CSMD1: variants seen among roughly 807,000 people sequenced by gnomAD.
CSMD1 encodes CUB and Sushi multiple domains 1.
In CSMD1, 213 loss-of-function variants were observed where a neutral mutation model predicts 417.5. The observed-to-expected ratio is 0.51, with a 90% CI of 0.46 to 0.57. The LOEUF is 0.57. Ranked by LOEUF, CSMD1 falls within the 20% of genes least tolerant of loss-of-function variation. CSMD1 has a pLI of 0.00. For synonymous variants in CSMD1, 2,862 were observed against 1,736.8 expected (o/e 1.65, Z -16.11); for missense variants, 6,923 against 4,529.7 (o/e 1.53, Z -15.17).
At chr8:3,677,485 C>A (rs1171440336) in intron 7 of CSMD1, among the ~76,000 whole-genome samples, 1 of 152,172 alleles carries the variant, frequency 6.6e-6, no homozygotes, top group Non-Finnish European at 1.5e-5. Flanking sequence ...CTGAGCACCA[C>A]AGAAGACATC....
intron 1 of CSMD1, among the ~76,000 whole-genome samples, chr8:4,728,200 T>G (rs977760767): frequency 6.7e-6 from 1 of 148,194 alleles, no homozygotes; most frequent in African/African-American, 2.5e-5. Flanking sequence ...TTCGTATATT[T>G]ATATATATAT....
At chr8:3,510,351 G>A (rs1171057641) in intron 10 of CSMD1, among the ~76,000 whole-genome samples, 1 of 151,776 alleles carries the variant, frequency 6.6e-6, no homozygotes, top group Non-Finnish European at 1.5e-5. Context: ...GAGCTTGGGG[G>A]AGGACAGTAG....
At chr8:3,423,087 T>A (rs1419320329) in intron 12 of CSMD1, among the ~76,000 whole-genome samples, 1 of 152,210 alleles carries the variant, frequency 6.6e-6, no homozygotes, top group Non-Finnish European at 1.5e-5. Flanking sequence ...ATTAAACAGA[T>A]TAAATTATTT....
intron 49 of CSMD1, among the ~76,000 whole-genome samples, chr8:3,069,797 C>G (rs2128997760): frequency 6.6e-6 from 1 of 152,316 alleles, no homozygotes; most frequent in Non-Finnish European, 1.5e-5. Context: ...GGTTTCAACC[C>G]CACATTTCCC....
At chr8:3,097,945 C>T (rs138611791) in intron 46 of CSMD1, among the ~76,000 whole-genome samples, 10 of 152,272 alleles carry the variant, frequency 6.6e-5, no homozygotes, top group Admixed American at 4.6e-4. Context: ...ATGGATACAT[C>T]GTATCTTTTC....
intron 3 of CSMD1, among the ~76,000 whole-genome samples, chr8:4,172,681 C>G (rs978473316): frequency 6.6e-6 from 1 of 152,180 alleles, no homozygotes; most frequent in African/African-American, 2.4e-5. Context: ...AGGTGTTTCA[C>G]ACATATTCAT....
intron 2 of CSMD1, among the ~76,000 whole-genome samples, chr8:4,546,542 C>T (rs1269652977): frequency 6.6e-6 from 1 of 152,146 alleles, no homozygotes; most frequent in Non-Finnish European, 1.5e-5. Flanking sequence ...CCTCCATCTT[C>T]TCCTACCCTA....
At chr8:3,158,887 G>A (rs1819706472) in intron 38 of CSMD1, among the ~76,000 whole-genome samples, 1 of 152,080 alleles carries the variant, frequency 6.6e-6, no homozygotes, top group South Asian at 2.1e-4. Context: ...CAGCCACACT[G>A]GGAACGCATC....
chr8:4,108,544 T>C (rs1801688429), intron 3 of CSMD1, among the ~76,000 whole-genome samples: 1 of 152,186 alleles, frequency 6.6e-6, no homozygotes, highest in Non-Finnish European at 1.5e-5. Flanking sequence ...CCCAACTGTT[T>C]TCCCAGAAAT....
intron 3 of CSMD1, among the ~76,000 whole-genome samples, chr8:4,041,282 A>G (rs60906978): frequency 0.27 from 41,417 of 151,936 alleles, 5,809 homozygotes; most frequent in Admixed American, 0.3. Flanking sequence ...CTCCCAAAGT[A>G]CGGGGATTAC....
chr8:3,683,234 T>TAA (rs1008260826), intron 7 of CSMD1, among the ~76,000 whole-genome samples: 1 of 151,260 alleles, frequency 6.6e-6, no homozygotes, highest in East Asian at 1.9e-4. Context: ...AATAAAATAA[T>TAA]AAAAAATAAA....
intron 5 of CSMD1, among the ~76,000 whole-genome samples, chr8:3,860,664 A>G (rs981618841): frequency 2.0e-5 from 3 of 152,172 alleles, no homozygotes; most frequent in Non-Finnish European, 4.4e-5. Context: ...GTTAATTATT[A>G]TTTTTCTTAT....
intron 13 of CSMD1, 30 bp from the exon 14 acceptor site, chr8:3,408,255 G>C (rs776583214): frequency 1.1e-5 from 16 of 1,509,544 alleles, no homozygotes; most frequent in African/African-American, 4.1e-5. Context: ...TTTTCAAACA[G>C]TTATGCACAT....
intron 1 of CSMD1, among the ~76,000 whole-genome samples, chr8:4,792,591 ACTGTT>A (rs1264337481): frequency 6.6e-6 from 1 of 152,122 alleles, no homozygotes; most frequent in Admixed American, 6.6e-5. Context: ...CATGCAAGAA[ACTGTT>A]GAATAGAGTC....
At chr8:4,123,518 T>C (rs1802600117) in intron 3 of CSMD1, among the ~76,000 whole-genome samples, 1 of 152,250 alleles carries the variant, frequency 6.6e-6, no homozygotes, top group Non-Finnish European at 1.5e-5. Flanking sequence ...CTGTGTTTTC[T>C]TTGATGATTA....
intron 3 of CSMD1, among the ~76,000 whole-genome samples, chr8:4,091,260 A>G (rs549920765): frequency 6.6e-6 from 1 of 152,280 alleles, no homozygotes; most frequent in East Asian, 1.9e-4. Context: ...GCAAATTAGA[A>G]AAAAATAATA....
intron 11 of CSMD1, among the ~76,000 whole-genome samples, chr8:3,487,277 C>G (rs1818099979): frequency 2.0e-5 from 3 of 152,164 alleles, no homozygotes; most frequent in Admixed American, 6.5e-5. Context: ...TCTTGGCTCT[C>G]TGCAAGCTCC....
At chr8:4,382,827 T>C (rs553971241) in intron 3 of CSMD1, among the ~76,000 whole-genome samples, 4 of 152,282 alleles carry the variant, frequency 2.6e-5, no homozygotes, top group African/African-American at 9.6e-5. Flanking sequence ...TATCATTACA[T>C]TGTGACAACG....
intron 1 of CSMD1, among the ~76,000 whole-genome samples, chr8:4,759,519 A>T (rs1346652566): frequency 6.6e-6 from 1 of 152,164 alleles, no homozygotes; most frequent in Non-Finnish European, 1.5e-5. Context: ...CTAGGTATTA[A>T]GCCCAGCATG....
Sources: gnomAD v4.1 joint callset for allele counts (sites outside exome capture counted in the v4.1 genomes callset) on GRCh38, gnomAD v4.1.1 for gene constraint, MANE v1.5 for transcripts, NCBI Gene and HGNC (gene_info 2026-07-23, HGNC 2026-07-21) for gene names.